Variants in ATM observed in about 807,000 individuals in gnomAD.
ATM encodes the protein ATM serine/threonine kinase, also known as serine-protein kinase ATM.
A neutral mutation model predicts 387.0 loss-of-function variants in ATM; 308 were observed. The observed-to-expected ratio is 0.80, with a 90% CI of 0.73 to 0.87. The LOEUF (loss-of-function observed/expected upper bound fraction) is 0.87. ATM is among the 40% of genes least tolerant of loss of function. The probability of loss-of-function intolerance (pLI) is 0.00; values close to 1 mark genes in which losing one functional copy is unlikely to be tolerated. For missense variants in ATM, 3,312 were observed against 3,560.9 expected, an observed-to-expected ratio of 0.93 and a Z score of 1.78; for synonymous variants, 1,156 against 1,187.3, an observed-to-expected ratio of 0.97 and a Z score of 0.54.
At chr11:108,272,434 A>C in intron 20 of ATM, 98 bp from the exon 21 acceptor site, 1 of 1,007,724 alleles carries the variant, frequency 9.9e-7, no homozygotes, top group Non-Finnish European at 1.6e-6. Context: ...TAGCACAGAA[A>C]GACATATTGG....
Position 108,284,348 on chromosome 11 carries a change from A to G in ATM, c.3868A>G (p.Ile1290Val), listed in dbSNP as rs2082381917. The change falls in exon 26 of 63, where the codon ATT becomes GTT. Residue 1290 changes from isoleucine to valine, a missense_variant. By Grantham distance (29) the Ile-to-Val change is conservative (BLOSUM62 3). Around this residue, in one of 4 missense-constraint regions of ATM, gnomAD observed 1,791 missense variants for 1,804.5 expected, o/e 0.99. Coordinates refer to ENST00000675843, the MANE Select transcript of ATM (RefSeq NM_000051.4). ...KSLLTDCFPK[I>V]LVNILPYFAY... The stretch of plus-strand genomic sequence containing the variant: ...TCTTCTAACAGACTGCTTTCCAAAG[A>G]TTCTTGTAAATATTCTTCCTTATTT... The G allele has an allele frequency of 6.2e-7, 1 of 1,613,950 alleles. No homozygotes were observed.
At chr11:108,346,050 A>T (rs1397681507) in intron 58 of ATM, 142 bp downstream of exon 58, 1 of 871,448 alleles carries the variant, frequency 1.1e-6, no homozygotes, top group Non-Finnish European at 1.8e-6. Context: ...CATCTTCATT[A>T]TTAAATCATA....
chr11:108,249,328 T>C (rs924508417), intron 9 of ATM, among the ~76,000 whole-genome samples: 1 of 152,186 alleles, frequency 6.6e-6, no homozygotes, highest in Non-Finnish European at 1.5e-5. Context: ...AATCATATTG[T>C]CATAGCAAGT....
intron 4 of ATM, among the ~76,000 whole-genome samples, chr11:108,234,668 G>C (rs2079180145): frequency 6.6e-6 from 1 of 151,542 alleles, no homozygotes; most frequent in Non-Finnish European, 1.5e-5. Context: ...GAGAGATTCT[G>C]TCTCTATGAA....
chr11:108,290,637 T>TC, intron 29 of ATM: 1 of 29,774 alleles, frequency 3.4e-5, no homozygotes, highest in African/African-American at 1.9e-4. Flanking sequence ...GACTCTTGTC[T>TC]CAAAAAAAAA....
chr11:108,289,122 T>G lies in ATM; in HGVS notation c.4236+19T>G, dbSNP rs2082650329. ...AAGCCCTGTAAGTATACATGATGAG[T>G]TTAATAATAGAACATTCCTTCTTTT... On this transcript the variant is annotated intron_variant, in intron 28 of 62. Coordinates refer to ENST00000675843, the MANE Select transcript of ATM (RefSeq NM_000051.4). 6.3e-7 allele frequency: 1 copy of G among 1,597,220 alleles called. No homozygotes were observed. The highest frequency in any genetic ancestry group is 8.6e-7 in the Non-Finnish European group (1 of 1,167,322).
rs1555151326 is a variant in ATM, at chr11:108,365,135, G to A, written c.8904G>A (p.Leu2968=). ...GGACCATGAATCCTTTGAAAGCTTT[G>A]TATTTACAGCAGAGGCCGGAAGATG... ...FDWTMNPLKA[L]YLQQRPEDET... Residue 2968 remains leucine, a synonymous_variant, in exon 62 of 63, where the codon TTG becomes TTA. Transcript: ENST00000675843. 1 of 1,614,144 alleles carries A rather than the reference G, an allele frequency of 6.2e-7. No individual in the cohort carries two copies. Among genetic ancestry groups the A allele is most frequent in the Non-Finnish European group, 8.5e-7 (1 of 1,180,014 alleles).
chr11:108,327,782 A>T, intron 48 of ATM, 24 bp downstream of exon 48: 1 of 1,531,026 alleles, frequency 6.5e-7, no homozygotes, highest in East Asian at 2.3e-5. Context: ...AGCAACCCTT[A>T]AGATAGTTAC....
intron 43 of ATM, 98 bp downstream of exon 43, chr11:108,317,619 A>T (rs1244263641): frequency 1.8e-4 from 5 of 27,530 alleles, no homozygotes; most frequent in South Asian, 2.9e-3. Context: ...GTTGTTTTAT[A>T]TATATATATA....
chr11:108,281,211 CTG>C, intron 24 of ATM, 43 bp downstream of exon 24: 1 of 1,586,256 alleles, frequency 6.3e-7, no homozygotes, highest in Middle Eastern at 1.7e-4. Flanking sequence ...CCTTAGGTCA[CTG>C]TGAAATAATT....
intron 24 of ATM, among the ~76,000 whole-genome samples, chr11:108,282,291 A>G (rs1045880247): frequency 1.3e-4 from 20 of 151,918 alleles, no homozygotes; most frequent in Non-Finnish European, 2.4e-4. Flanking sequence ...TCACATCCAC[A>G]CACCTGGCTA....
chr11:108,281,038 A>C lies in ATM; in HGVS notation c.3446A>C (p.Asn1149Thr). Reference sequence around the variant, plus strand: ...CCTGAAACTTTGGATGAAATTTATAATAGAAAATCTGTTTTACTGACGTTG... The same window carrying C: ...CCTGAAACTTTGGATGAAATTTATACTAGAAAATCTGTTTTACTGACGTTG... ...ENPETLDEIY[N>T]RKSVLLTLIA... Residue 1149 changes from asparagine (N) to threonine (T), a missense_variant, in exon 24 of 63, where the codon AAT (asparagine) becomes ACT (threonine). Physicochemically the swap from Asn to Thr is moderately conservative, Grantham distance 65 (BLOSUM62 0). Transcript: ENST00000675843. The C allele has an allele frequency of 6.2e-7, 1 of 1,613,664 alleles. No homozygotes were observed. Among genetic ancestry groups the C allele is most frequent in the Non-Finnish European group, 8.5e-7 (1 of 1,179,750 alleles).
chr11:108,308,171 A>T (rs548331185), intron 38 of ATM, 187 bp downstream of exon 38: 1 of 629,114 alleles, frequency 1.6e-6, no homozygotes, highest in Non-Finnish European at 2.8e-6. Flanking sequence ...CAGTGTCAAG[A>T]ACTCTCAATT....
intron 49 of ATM, 183 bp downstream of exon 49, chr11:108,329,421 T>C: frequency 1.6e-6 from 1 of 617,562 alleles, no homozygotes; most frequent in South Asian, 2.0e-5. Context: ...TTGTTTTTTT[T>C]TTTGAGACAA....
rs1555073469 is a variant in ATM at position 108,254,003 on chromosome 11, A to G, written c.2088A>G (p.Gly696=). 6.2e-7 allele frequency: 1 copy of G among 1,613,852 alleles called. No homozygotes were observed. The change falls in exon 13 of 63, where the codon GGA becomes GGG. Residue 696 remains glycine (G), a synonymous_variant. Transcript: ENST00000675843. ...AATCACTGGATCGCTGTCTTCTGGG[A>G]TTATCAGAACAGCTTCTGAATAATT... ...LKESLDRCLL[G]LSEQLLNNYS...
rs370537345 is a variant in ATM, at chr11:108,320,002, A to G, written c.6396A>G (p.Leu2132=). Residue 2132 remains leucine, a synonymous_variant, in exon 44 of 63, where the codon CTA becomes CTG. Transcript: ENST00000675843. ...TSYHESLYNA[L]QSLRDREFST... is the part of the protein sequence containing the mutation. ...ACCATGAATCATTGTACAATGCTCT[A>G]CAATCTCTAAGAGACAGAGAATTCT... 2.7e-5 allele frequency: 43 copies of G among 1,612,738 alleles called. No homozygotes were observed. Among genetic ancestry groups the G allele is most frequent in the Non-Finnish European group, 3.4e-5 (40 of 1,178,978 alleles).
chr11:108,351,832 C>T (rs138289438), intron 59 of ATM, among the ~76,000 whole-genome samples: 18 of 152,342 alleles, frequency 1.2e-4, no homozygotes, highest in Admixed American at 2.6e-4. Context: ...TGCAATGTAT[C>T]ATTTATACTG....
At chr11:108,317,242 A>G in intron 42 of ATM, 131 bp from the exon 43 acceptor site, 1 of 900,632 alleles carries the variant, frequency 1.1e-6, no homozygotes, top group South Asian at 1.5e-5. Flanking sequence ...CCCAGCTGAT[A>G]TTTTGGGATT....
chr11:108,237,940 T>G (rs1376393330), intron 5 of ATM, among the ~76,000 whole-genome samples: 2 of 150,160 alleles, frequency 1.3e-5, no homozygotes, highest in Non-Finnish European at 3.0e-5. Flanking sequence ...TTTGTTTGTT[T>G]TTTTGAGACA....
Sources: gnomAD v4.1 joint callset for allele counts (sites outside exome capture counted in the v4.1 genomes callset) on GRCh38, gnomAD v4.1.1 for gene constraint, gnomAD v4.1.1 regional missense constraint, MANE v1.5 for transcripts, NCBI Gene and HGNC (gene_info 2026-07-23, HGNC 2026-07-21) for gene names.